GALNT11: variants seen among roughly 807,000 people sequenced by gnomAD.
GALNT11 encodes the protein polypeptide N-acetylgalactosaminyltransferase 11.
In GALNT11, 47 loss-of-function variants were observed where a neutral mutation model predicts 72.7. That is an observed-to-expected ratio of 0.65 (90% confidence interval 0.51 to 0.82). The LOEUF (loss-of-function observed/expected upper bound fraction) is 0.82. Among genes scored for constraint, GALNT11 ranks in the 40% least tolerant of loss-of-function variants. GALNT11 has a pLI of 0.00. For missense variants in GALNT11, 677 were observed against 778.4 expected (o/e 0.87, Z 1.55); for synonymous variants, 270 against 286.6 (o/e 0.94, Z 0.58).
intron 1 of GALNT11, among the ~76,000 whole-genome samples, chr7:152,085,396 A>C (rs2085578377): frequency 6.6e-6 from 1 of 152,234 alleles, no homozygotes; most frequent in Non-Finnish European, 1.5e-5. Context: ...CCTATTAACT[A>C]TTCAAGTTTA....
At chr7:152,031,844 G>C (rs1347460946) in intron 1 of GALNT11, among the ~76,000 whole-genome samples, 1 of 152,188 alleles carries the variant, frequency 6.6e-6, no homozygotes, top group Non-Finnish European at 1.5e-5. Context: ...GGGTCTCCTT[G>C]ATTAGAGTAT....
At chr7:152,039,960 G>A (rs1350179026) in intron 1 of GALNT11, among the ~76,000 whole-genome samples, 1 of 152,036 alleles carries the variant, frequency 6.6e-6, no homozygotes, top group African/African-American at 2.4e-5. Context: ...AGATTCAATT[G>A]TATGCGGGCT....
intron 1 of GALNT11, among the ~76,000 whole-genome samples, chr7:152,071,621 G>A (rs1176411107): frequency 1.3e-5 from 2 of 152,154 alleles, no homozygotes; most frequent in Non-Finnish European, 2.9e-5. Flanking sequence ...TTAAAGTAAA[G>A]ACAGGCATAG....
Position 152,108,048 on chromosome 7 carries a change from T to C in GALNT11, c.723T>C (p.Leu241=), listed in dbSNP as rs1239469815. 1.2e-6 allele frequency: 2 copies of C among 1,608,910 alleles called. No individual in the cohort carries two copies. The highest frequency in any genetic ancestry group is 1.7e-6 in the Non-Finnish European group (2 of 1,175,826). ...TTGTTTCCTCCCCAGGAGAAGTCCT[T>C]GTGTTCCTGGACAGCCACTGTGAAG... ...IGAAHATGEV[L]VFLDSHCEVN... is the part of the protein sequence containing the mutation. Residue 241 remains leucine, a synonymous_variant, in exon 6 of 12, where the codon CTT becomes CTC. Transcript: ENST00000430044.
At chr7:152,047,767 C>T (rs1005570717) in intron 1 of GALNT11, among the ~76,000 whole-genome samples, 3 of 150,318 alleles carry the variant, frequency 2.0e-5, no homozygotes, top group Non-Finnish European at 4.4e-5. Flanking sequence ...ATATATTTTA[C>T]CTTCATTACA....
chr7:152,025,850 C>G lies in GALNT11; in HGVS notation c.-73C>G. 1.1e-5 allele frequency: 3 copies of G among 284,890 alleles called. No individual in the cohort carries two copies. The highest frequency in any genetic ancestry group is 7.6e-6 in the Non-Finnish European group (1 of 131,956). The allele number at this position is 284,890 out of a possible 1,614,324, so 17.6% of individuals were successfully genotyped here. A position where few individuals can be genotyped will look rare whatever the true frequency, so the allele number is the denominator to read the frequency against. On this transcript the variant is annotated 5_prime_UTR_variant, in exon 1 of 12. Coordinates refer to ENST00000430044, the MANE Select transcript of GALNT11 (RefSeq NM_022087.4). ...GAGAGAAGATGCCGCAGCCCGAGTC[C>G]CAGAAGGCGGCGATCCTGGGCTGCG...
chr7:152,087,262 A>C (rs2085707808), intron 1 of GALNT11, among the ~76,000 whole-genome samples: 2 of 152,224 alleles, frequency 1.3e-5, no homozygotes, highest in Admixed American at 1.3e-4. Context: ...TTGAAGTTTT[A>C]AATAGGGTAA....
At chr7:152,047,711 C>T (rs564954613) in intron 1 of GALNT11, among the ~76,000 whole-genome samples, 72 of 143,380 alleles carry the variant, frequency 5.0e-4, no homozygotes, top group Middle Eastern at 7.1e-3. Flanking sequence ...TGTGTGTGTG[C>T]GCACACACAC....
intron 1 of GALNT11, among the ~76,000 whole-genome samples, chr7:152,038,326 G>A (rs2082685677): frequency 6.6e-6 from 1 of 152,196 alleles, no homozygotes; most frequent in African/African-American, 2.4e-5. Flanking sequence ...ATTCCTTATG[G>A]GAAATAAAGG....
At chr7:152,049,196 C>T (rs2083280137) in intron 1 of GALNT11, among the ~76,000 whole-genome samples, 1 of 152,016 alleles carries the variant, frequency 6.6e-6, no homozygotes, top group African/African-American at 2.4e-5. Flanking sequence ...TTTGTTGGTT[C>T]CTAGGCATTG....
chr7:152,115,094 G>A (rs2088696921), intron 8 of GALNT11, among the ~76,000 whole-genome samples: 1 of 152,142 alleles, frequency 6.6e-6, no homozygotes, highest in South Asian at 2.1e-4. Flanking sequence ...ACCAGACTTT[G>A]AGGTCTAATT....
At chr7:152,121,304 C>G (rs562866550) in intron 11 of GALNT11, among the ~76,000 whole-genome samples, 3 of 152,282 alleles carry the variant, frequency 2.0e-5, no homozygotes, top group Admixed American at 2.0e-4. Context: ...TCGCCGTAGC[C>G]CAACAGCCTG....
intron 2 of GALNT11, among the ~76,000 whole-genome samples, chr7:152,099,405 G>T (rs924802551): frequency 6.7e-6 from 1 of 149,800 alleles, no homozygotes; most frequent in Non-Finnish European, 1.5e-5. Context: ...GTCTTGCTCT[G>T]CAGGCTGGAG....
At chr7:152,055,080 A>C (rs2083594930) in intron 1 of GALNT11, among the ~76,000 whole-genome samples, 2 of 152,210 alleles carry the variant, frequency 1.3e-5, no homozygotes, top group African/African-American at 2.4e-5. Flanking sequence ...GCGGGGGCAG[A>C]ATTCCATTGG....
intron 1 of GALNT11, among the ~76,000 whole-genome samples, chr7:152,091,566 C>T (rs925974717): frequency 3.3e-5 from 5 of 151,808 alleles, no homozygotes; most frequent in East Asian, 1.9e-4. Context: ...TTAGTAGAGA[C>T]GGGGTTTCAC....
intron 1 of GALNT11, among the ~76,000 whole-genome samples, chr7:152,056,834 C>T (rs1301273612): frequency 6.6e-6 from 1 of 151,370 alleles, no homozygotes; most frequent in African/African-American, 2.4e-5. Context: ...TTTGTTGGGT[C>T]AGATACTTTT....
rs1485213924 is a variant in GALNT11, at chr7:152,094,615, T to A, written c.295+93T>A. ...TAATTAGGAGATCAGAAATGCTGCA[T>A]CATTTTTTCCCCACTGATTTATTTT... On this transcript the variant is annotated intron_variant, in intron 2 of 11. Coordinates refer to ENST00000430044, the MANE Select transcript of GALNT11 (RefSeq NM_022087.4). The surrounding 1 kb of genome is among the most constrained non-coding windows in gnomAD (Gnocchi z 4.3). 13 of 1,376,404 alleles carry A rather than the reference T, an allele frequency of 9.4e-6. No individual in the cohort carries two copies. Among genetic ancestry groups the A allele is most frequent in the Non-Finnish European group, 1.3e-5 (13 of 1,025,198 alleles). The allele number at this position is 1,376,404 out of a possible 1,614,324, so 85.3% of individuals were successfully genotyped here. A position where few individuals can be genotyped will look rare whatever the true frequency, so the allele number is the denominator to read the frequency against.
chr7:152,074,973 A>T (rs1017868232), intron 1 of GALNT11: 2 of 152,176 alleles, frequency 1.3e-5, no homozygotes, highest in African/African-American at 4.8e-5. Flanking sequence ...GTGGCAGAGA[A>T]AACTCTGGGC....
intron 1 of GALNT11, among the ~76,000 whole-genome samples, chr7:152,052,917 G>A (rs1299104274): frequency 6.6e-6 from 1 of 152,064 alleles, no homozygotes; most frequent in East Asian, 1.9e-4. Context: ...TTCTCTCCGT[G>A]GTCCCTGTCA....
Sources: allele counts gnomAD v4.1 joint callset (sites outside exome capture counted in the v4.1 genomes callset), GRCh38; gene constraint gnomAD v4.1.1; non-coding constraint Gnocchi (gnomAD v3.1); transcripts MANE v1.5; gene names NCBI Gene and HGNC (gene_info 2026-07-23, HGNC 2026-07-21).